The following GPC3 variants were observed in gnomAD, a reference collection of about 807,000 sequenced individuals.
The protein encoded by GPC3 is glypican 3, also known as glypican-3.
GPC3 carries 3 observed loss-of-function variants against 34.4 expected under a neutral mutation model. The ratio of observed to expected loss-of-function variants is 0.09; its 90% confidence interval spans 0.04 to 0.23. The LOEUF is 0.23. Among genes scored for constraint, GPC3 ranks in the 10% least tolerant of loss-of-function variants. The pLI is 1.00. For missense variants in GPC3, 351 were observed against 445.6 expected (o/e 0.79, Z 1.91); for synonymous variants, 177 against 174.0 (o/e 1.02, Z -0.13).
intron 2 of GPC3, among the ~76,000 whole-genome samples, chrX:133,786,492 G>C (rs1398761817): frequency 8.9e-6 from 1 of 112,726 alleles, no homozygotes; most frequent in Non-Finnish European, 1.9e-5. Context: ...AGGGGTCCCC[G>C]GAGAATCTCC....
chrX:133,973,342 T>G (rs764049182), intron 1 of GPC3, among the ~76,000 whole-genome samples: 11 of 112,952 alleles, frequency 9.7e-5, no homozygotes, highest in African/African-American at 3.5e-4. Context: ...TTTCTTCATC[T>G]GTAAAATGGA....
intron 5 of GPC3, among the ~76,000 whole-genome samples, chrX:133,679,864 C>T (rs761999199): frequency 1.4e-4 from 15 of 110,937 alleles, no homozygotes; most frequent in Non-Finnish European, 2.8e-4. Context: ...ACATGTTGCC[C>T]AGACTGGTCT....
intron 1 of GPC3, 24 bp downstream of exon 1, chrX:133,985,251 C>G (rs1027487736): frequency 8.3e-7 from 1 of 1,206,735 alleles, no homozygotes; most frequent in Admixed American, 2.2e-5. Context: ...GGGCGCTAGG[C>G]ACGCTCAAGG....
At chrX:133,657,715 A>G (rs1468645486) in intron 6 of GPC3, among the ~76,000 whole-genome samples, 2 of 111,331 alleles carry the variant, frequency 1.8e-5, no homozygotes, top group Non-Finnish European at 3.8e-5. Context: ...GACTATCAAT[A>G]TGAAAATAAT....
chrX:133,902,566 T>C (rs2076148493), intron 2 of GPC3, among the ~76,000 whole-genome samples: 1 of 110,703 alleles, frequency 9.0e-6, no homozygotes, highest in Non-Finnish European at 1.9e-5. Flanking sequence ...CTACTAAAAA[T>C]ACAAAAACTA....
chrX:133,627,697 A>C (rs760740814), intron 6 of GPC3, among the ~76,000 whole-genome samples: 5 of 112,700 alleles, frequency 4.4e-5, no homozygotes, highest in African/African-American at 1.6e-4. Context: ...TTTGATCCGC[A>C]GGTATCTTAG....
At chrX:133,642,968 A>G (rs1247110247) in intron 6 of GPC3, among the ~76,000 whole-genome samples, 1 of 111,445 alleles carries the variant, frequency 9.0e-6, no homozygotes, top group African/African-American at 3.3e-5. Flanking sequence ...CATATCAAAT[A>G]CTAAGGAATT....
intron 2 of GPC3, among the ~76,000 whole-genome samples, chrX:133,788,589 T>C (rs780543668): frequency 1.8e-5 from 2 of 109,756 alleles, no homozygotes; most frequent in Non-Finnish European, 3.8e-5. Flanking sequence ...TAGAAAAGAA[T>C]ACAGTGATGG....
intron 2 of GPC3, among the ~76,000 whole-genome samples, chrX:133,863,648 CTTTT>C (rs1165193952): frequency 2.7e-5 from 2 of 72,898 alleles, no homozygotes; most frequent in Non-Finnish European, 4.7e-5. Context: ...AAAAATATTC[CTTTT>C]TTTTTTTTTT....
chrX:133,794,599 A>C (rs1484499083), intron 2 of GPC3, among the ~76,000 whole-genome samples: 1 of 111,265 alleles, frequency 9.0e-6, no homozygotes, highest in African/African-American at 3.3e-5. Context: ...GTCTCTACTC[A>C]TTGTCTGTTT....
At chrX:133,771,606 C>T (rs1328004031) in intron 2 of GPC3, among the ~76,000 whole-genome samples, 2 of 111,904 alleles carry the variant, frequency 1.8e-5, no homozygotes, top group East Asian at 5.6e-4. Flanking sequence ...AAAGATGAGG[C>T]CAAACCCCTC....
At position 133,632,280 on chromosome X, in the gene GPC3, A is replaced by T. The variant is rs770176586; in HGVS notation, c.1413+29450T>A. On this transcript the variant is annotated intron_variant, in intron 6 of 7. Coordinates refer to ENST00000370818, the MANE Select transcript of GPC3 (RefSeq NM_004484.4). ...ATGTCTGGCTAGTTTTTGTATTTTT[A>T]GTAAAAACGGGGTTTCGCCATGTTG... Among the ~76,000 whole-genome samples, 4 of 110,380 alleles carry T rather than the reference A, an allele frequency of 3.6e-5. No homozygotes were observed. In the East Asian group the frequency reaches 1.1e-3, roughly 31 times the overall value.
chrX:133,644,632 T>A (rs2070522095), intron 6 of GPC3, among the ~76,000 whole-genome samples: 1 of 111,268 alleles, frequency 9.0e-6, no homozygotes, highest in East Asian at 2.8e-4. Flanking sequence ...TTTGATATAA[T>A]TCTTACAGAC....
chrX:133,700,081 A>G, intron 3 of GPC3, 53 bp from the exon 4 acceptor site: 1 of 985,309 alleles, frequency 1.0e-6, no homozygotes, highest in Non-Finnish European at 1.4e-6. Flanking sequence ...ATATGATAGT[A>G]GAAACAAATT....
chrX:133,576,226 C>CT (rs1212584199), intron 7 of GPC3, among the ~76,000 whole-genome samples: 1 of 111,034 alleles, frequency 9.0e-6, no homozygotes. Context: ...AATCCTAGCT[C>CT]TGTTTTTTTG....
chrX:133,736,290 T>C (rs1000904676), intron 3 of GPC3, among the ~76,000 whole-genome samples: 6 of 112,110 alleles, frequency 5.4e-5, no homozygotes, highest in African/African-American at 1.9e-4. Flanking sequence ...AAAGTTAAAT[T>C]GCTCAGCTTC....
chrX:133,862,352 T>C (rs1254848699), intron 2 of GPC3, among the ~76,000 whole-genome samples: 2 of 109,146 alleles, frequency 1.8e-5, no homozygotes, highest in Admixed American at 9.8e-5. Flanking sequence ...TCATAAATGA[T>C]AGCCATCTCA....
intron 2 of GPC3, among the ~76,000 whole-genome samples, chrX:133,826,111 C>A (rs754174734): frequency 3.6e-5 from 4 of 111,288 alleles, no homozygotes; most frequent in African/African-American, 6.5e-5. Context: ...AATTTTTAAC[C>A]AAAAAACCCA....
intron 2 of GPC3, among the ~76,000 whole-genome samples, chrX:133,784,053 GT>G (rs1361289581): frequency 2.7e-5 from 3 of 111,426 alleles, no homozygotes; most frequent in Non-Finnish European, 5.6e-5. Context: ...TTAATGTAGT[GT>G]GCTTCTAAAG....
Sources: allele counts gnomAD v4.1 joint callset (sites outside exome capture counted in the v4.1 genomes callset), GRCh38; gene constraint gnomAD v4.1.1; transcripts MANE v1.5; gene names NCBI Gene and HGNC (gene_info 2026-07-23, HGNC 2026-07-21).